Variants in CPED1 observed in about 807,000 individuals in gnomAD.
CPED1 encodes the protein cadherin-like and PC-esterase domain-containing protein 1.
In CPED1, 114 loss-of-function variants were observed where a neutral mutation model predicts 128.2. That is an observed-to-expected ratio of 0.89 (90% CI 0.76 to 1.04). The LOEUF is 1.04. CPED1 is among the 50% of genes least tolerant of loss of function. The probability of loss-of-function intolerance (pLI) is 0.00; values close to 1 mark genes in which losing one functional copy is unlikely to be tolerated. For synonymous variants in CPED1, 462 were observed against 426.7 expected, an observed-to-expected ratio of 1.08 and a Z score of -1.02; for missense variants, 1,211 against 1,207.1, an observed-to-expected ratio of 1.00 and a Z score of -0.05.
intron 5 of CPED1, among the ~76,000 whole-genome samples, chr7:121,066,063 G>C (rs774079010): frequency 6.6e-6 from 1 of 152,188 alleles, no homozygotes; most frequent in East Asian, 1.9e-4. Flanking sequence ...AATTTTATTT[G>C]TTGTGAATAC....
chr7:121,252,621 G>C (rs1379070064), intron 18 of CPED1, among the ~76,000 whole-genome samples: 11 of 151,686 alleles, frequency 7.3e-5, no homozygotes, highest in African/African-American at 1.2e-4. Flanking sequence ...AAATTTACCA[G>C]AAAAAAACAA....
In CPED1 at chr7:120,989,519, T is replaced by C; in HGVS notation, c.-103T>C. ...AGGGATGAAGCAAACTTGATTGGAG[T>C]TGGGGAAAAAGAAGACAGATTAGTA... is the stretch of plus-strand genomic sequence containing the variant. On this transcript the variant is annotated 5_prime_UTR_variant, in exon 2 of 23. Transcript: ENST00000310396. 6.9e-7 allele frequency: 1 copy of C among 1,451,380 alleles called. No individual in the cohort carries two copies. Among genetic ancestry groups the C allele is most frequent in the East Asian group, 2.3e-5 (1 of 43,700 alleles). 89.9% of individuals were successfully genotyped at this position (1,451,380 alleles called of 1,614,324 possible). A position where few individuals can be genotyped will look rare whatever the true frequency, so the allele number is the denominator to read the frequency against.
chr7:121,085,758 T>G (rs1338309698), intron 5 of CPED1, among the ~76,000 whole-genome samples: 5 of 152,164 alleles, frequency 3.3e-5, no homozygotes, highest in African/African-American at 1.2e-4. Context: ...AATAACCGAA[T>G]AGCATCTTGT....
At chr7:121,220,495 C>T (rs1377242997) in intron 16 of CPED1, among the ~76,000 whole-genome samples, 5 of 151,952 alleles carry the variant, frequency 3.3e-5, no homozygotes, top group African/African-American at 9.7e-5. Context: ...CCAATGCCTC[C>T]GTTTTGGACT....
At chr7:121,266,075 G>T (rs78417395) in intron 18 of CPED1, 152 bp from the exon 19 acceptor site, 39,758 of 629,508 alleles carry the variant, frequency 0.063, 1,538 homozygotes, top group Non-Finnish European at 0.073. Context: ...GTTTGGGAGA[G>T]AATATAATGA....
At chr7:121,079,262 C>T (rs994503467) in intron 5 of CPED1, among the ~76,000 whole-genome samples, 2 of 151,988 alleles carry the variant, frequency 1.3e-5, no homozygotes, top group Non-Finnish European at 2.9e-5. Context: ...CACATGGAAA[C>T]GAGAGAACAG....
At chr7:121,174,814 C>G (rs1796738440) in intron 16 of CPED1, among the ~76,000 whole-genome samples, 1 of 152,074 alleles carries the variant, frequency 6.6e-6, no homozygotes. Flanking sequence ...CCTCTTTGGA[C>G]AGTATGGTCA....
chr7:121,045,441 G>C (rs1434377188), intron 3 of CPED1, among the ~76,000 whole-genome samples: 1 of 152,184 alleles, frequency 6.6e-6, no homozygotes. Flanking sequence ...CAAGATTTGT[G>C]AAACTGAAAA....
intron 2 of CPED1, among the ~76,000 whole-genome samples, chr7:121,003,701 G>A (rs972958357): frequency 1.3e-5 from 2 of 152,132 alleles, no homozygotes; most frequent in Admixed American, 1.3e-4. Flanking sequence ...AGGTAGACAG[G>A]GTAGAGTGGA....
chr7:121,205,472 G>A (rs936770586), intron 16 of CPED1, among the ~76,000 whole-genome samples: 3 of 151,756 alleles, frequency 2.0e-5, no homozygotes, highest in African/African-American at 7.3e-5. Flanking sequence ...TGTACTTTTG[G>A]TATTATCTTT....
At chr7:121,061,422 C>T (rs1002451753) in intron 4 of CPED1, among the ~76,000 whole-genome samples, 2 of 152,122 alleles carry the variant, frequency 1.3e-5, no homozygotes, top group African/African-American at 4.8e-5. Context: ...TCAAACCTAA[C>T]ACAAGATCTG....
intron 17 of CPED1, among the ~76,000 whole-genome samples, chr7:121,241,347 C>CAAAAAAAA: frequency 1.6e-3 from 9 of 5,554 alleles, no homozygotes; most frequent in Admixed American, 2.9e-3. Context: ...GACTCCGTCT[C>CAAAAAAAA]AAAAAAAAAA....
intron 3 of CPED1, among the ~76,000 whole-genome samples, chr7:121,046,054 T>C (rs1168409813): frequency 6.6e-6 from 1 of 151,940 alleles, no homozygotes; most frequent in African/African-American, 2.4e-5. Context: ...GATATATAGA[T>C]ATATAGCAAT....
intron 3 of CPED1, among the ~76,000 whole-genome samples, chr7:121,032,246 A>G (rs1792752668): frequency 1.3e-5 from 2 of 152,212 alleles, no homozygotes; most frequent in Admixed American, 6.5e-5. Flanking sequence ...AGGACAAACA[A>G]AAGAAGCAAG....
At chr7:121,041,201 G>C (rs1793043529) in intron 3 of CPED1, among the ~76,000 whole-genome samples, 2 of 151,928 alleles carry the variant, frequency 1.3e-5, no homozygotes, top group Admixed American at 6.6e-5. Flanking sequence ...ATTGTTTGCT[G>C]TTCACATGCA....
intron 16 of CPED1, among the ~76,000 whole-genome samples, chr7:121,183,848 G>A (rs909581973): frequency 1.3e-5 from 2 of 152,076 alleles, no homozygotes; most frequent in African/African-American, 2.4e-5. Flanking sequence ...TCACTTGGGG[G>A]TAGAGAACGA....
rs369619177 is a variant in CPED1 at position 120,998,526 on chromosome 7, A to T, written c.249+8656A>T. Among the ~76,000 whole-genome samples, 4 of 152,162 alleles carry T rather than the reference A, an allele frequency of 2.6e-5. No homozygotes were observed. The East Asian group carries it at 5.8e-4, about 22-fold the overall frequency. ...TTAACTATGAAAATAATTATTATTT[A>T]ATTTCCTTGAAGACTCCCTCCTCTC... On this transcript the variant is annotated intron_variant, in intron 2 of 22. Coordinates refer to ENST00000310396, the MANE Select transcript of CPED1 (RefSeq NM_024913.5).
At chr7:121,020,051 T>C (rs1792398818) in intron 3 of CPED1, among the ~76,000 whole-genome samples, 1 of 152,022 alleles carries the variant, frequency 6.6e-6, no homozygotes, top group Non-Finnish European at 1.5e-5. Flanking sequence ...AGTGGATATT[T>C]GGCAATTTTC....
intron 18 of CPED1, among the ~76,000 whole-genome samples, chr7:121,263,485 T>C (rs1426402107): frequency 6.6e-6 from 1 of 152,084 alleles, no homozygotes; most frequent in Non-Finnish European, 1.5e-5. Flanking sequence ...TCCTCCTACA[T>C]GGACCTCTGT....
Sources: allele counts gnomAD v4.1 joint callset (sites outside exome capture counted in the v4.1 genomes callset), GRCh38; gene constraint gnomAD v4.1.1; transcripts MANE v1.5; gene names NCBI Gene and HGNC (gene_info 2026-07-23, HGNC 2026-07-21).